PDGFD: variants seen among roughly 807,000 people sequenced by gnomAD.
PDGFD encodes platelet-derived growth factor D.
A neutral mutation model predicts 44.7 loss-of-function variants in PDGFD; 30 were observed. The observed-to-expected ratio is 0.67, with a 90% CI of 0.50 to 0.91. The LOEUF (loss-of-function observed/expected upper bound fraction) is 0.91, where lower values mean the gene tolerates loss of function less well. PDGFD is among the 40% of genes least tolerant of loss of function. The pLI is 0.00. For synonymous variants in PDGFD, 173 were observed against 168.4 expected (o/e 1.03, Z -0.21); for missense variants, 445 against 457.8 (o/e 0.97, Z 0.25).
rs190728575 is a variant in PDGFD at position 104,102,600 on chromosome 11, A to T, written c.124+61204T>A. Among the ~76,000 whole-genome samples, 48 of 152,336 alleles carry T rather than the reference A, an allele frequency of 3.2e-4. 1 individual carries two copies. In the East Asian group the frequency reaches 6.9e-3, roughly 22 times the overall value. ...TGGATATATACTCAAAGGATTATAA[A>T]TCATGCTGCTATAAAGACACATGCA... On this transcript the variant is annotated intron_variant, in intron 1 of 6. Transcript: ENST00000393158.
At chr11:104,043,022 T>C (rs533941868) in intron 1 of PDGFD, among the ~76,000 whole-genome samples, 11 of 152,258 alleles carry the variant, frequency 7.2e-5, no homozygotes, top group Middle Eastern at 6.8e-3. Flanking sequence ...GCCAATATCA[T>C]GCAGAGAGAT....
chr11:103,913,924 A>G (rs1858071099), intron 6 of PDGFD, among the ~76,000 whole-genome samples: 1 of 152,234 alleles, frequency 6.6e-6, no homozygotes, highest in South Asian at 2.1e-4. Context: ...TCCTGGACAC[A>G]TATGTAGCCT....
intron 3 of PDGFD, among the ~76,000 whole-genome samples, chr11:103,991,026 C>G (rs1014512858): frequency 6.6e-6 from 1 of 151,914 alleles, no homozygotes; most frequent in Non-Finnish European, 1.5e-5. Context: ...GTAGTCCCAG[C>G]TACTCAGGAG....
At chr11:104,036,748 A>G in intron 1 of PDGFD, 2 of 1,212,662 alleles carry the variant, frequency 1.6e-6, no homozygotes, top group African/African-American at 3.0e-5. Context: ...AGCGGCACCA[A>G]CGACGCAGGC....
chr11:103,947,582 T>C, intron 4 of PDGFD, 80 bp downstream of exon 4: 5 of 1,045,564 alleles, frequency 4.8e-6, no homozygotes, highest in African/African-American at 1.6e-5. Flanking sequence ...AGGTCCTTAA[T>C]GCAGGTGAAG....
intron 1 of PDGFD, among the ~76,000 whole-genome samples, chr11:104,123,261 T>C (rs1207691574): frequency 6.6e-6 from 1 of 152,110 alleles, no homozygotes; most frequent in Middle Eastern, 3.2e-3. Flanking sequence ...CTTAGGTCTT[T>C]ATTATTAGCC....
intron 1 of PDGFD, among the ~76,000 whole-genome samples, chr11:104,088,775 A>G (rs1319058732): frequency 6.6e-6 from 1 of 152,164 alleles, no homozygotes; most frequent in Admixed American, 6.6e-5. Flanking sequence ...AGGCTATGAG[A>G]TATCAGAACA....
chr11:104,088,815 C>G (rs1228505833), intron 1 of PDGFD, among the ~76,000 whole-genome samples: 1 of 152,044 alleles, frequency 6.6e-6, no homozygotes, highest in Non-Finnish European at 1.5e-5. Flanking sequence ...TGGGTAAGCA[C>G]TCTTAGAACT....
intron 3 of PDGFD, among the ~76,000 whole-genome samples, chr11:103,973,782 G>T (rs260821): frequency 0.32 from 48,286 of 151,978 alleles, 7,979 homozygotes; most frequent in Admixed American, 0.46. Context: ...CATAATATTA[G>T]AAATATGTTA....
chr11:103,951,423 A>T (rs889928961), intron 3 of PDGFD, among the ~76,000 whole-genome samples: 6 of 152,188 alleles, frequency 3.9e-5, no homozygotes, highest in Non-Finnish European at 8.8e-5. Flanking sequence ...CCCTAGGGTC[A>T]GAATTATCTC....
At chr11:104,110,008 A>G (rs361289) in intron 1 of PDGFD, among the ~76,000 whole-genome samples, 68,797 of 151,948 alleles carry the variant, frequency 0.45, 16,543 homozygotes, top group African/African-American at 0.62. Flanking sequence ...ACCATATTGA[A>G]TGCTTAGAAA....
intron 1 of PDGFD, among the ~76,000 whole-genome samples, chr11:104,084,564 G>A (rs1366049900): frequency 1.3e-5 from 2 of 150,596 alleles, no homozygotes; most frequent in Non-Finnish European, 3.0e-5. Context: ...CAAGCATTTT[G>A]TTCTCTAGGA....
In PDGFD at chr11:103,954,988, C is replaced by A. The variant is rs546007360; in HGVS notation, c.511-7264G>T. Among the ~76,000 whole-genome samples, 10 of 150,682 alleles carry A rather than the reference C, an allele frequency of 6.6e-5. No homozygotes were observed. In the East Asian group the frequency reaches 2.0e-3, roughly 30 times the overall value. On this transcript the variant is annotated intron_variant, in intron 3 of 6. Transcript: ENST00000393158. ...GACCATCCCGGCTAAAACGGTGAAA[C>A]CCCGTCTCTACTAAAAATACAAAAA...
At chr11:104,108,863 A>G (rs1302804436) in intron 1 of PDGFD, among the ~76,000 whole-genome samples, 2 of 152,190 alleles carry the variant, frequency 1.3e-5, no homozygotes, top group East Asian at 3.8e-4. Context: ...ATGGAATACT[A>G]TGCAGCTATA....
intron 1 of PDGFD, among the ~76,000 whole-genome samples, chr11:104,005,540 C>T (rs1859688951): frequency 6.6e-6 from 1 of 152,186 alleles, no homozygotes. Flanking sequence ...AAGTATTATA[C>T]ACAAAGTCAC....
At chr11:104,118,871 TA>T (rs1861689316) in intron 1 of PDGFD, among the ~76,000 whole-genome samples, 1 of 68,678 alleles carries the variant, frequency 1.5e-5, no homozygotes, top group Non-Finnish European at 2.6e-5. Flanking sequence ...TATTATATAT[TA>T]ATATACATAT....
chr11:104,082,355 T>C (rs1212022218), intron 1 of PDGFD, among the ~76,000 whole-genome samples: 1 of 151,934 alleles, frequency 6.6e-6, no homozygotes, highest in Non-Finnish European at 1.5e-5. Context: ...TTTTCTTCCA[T>C]TATGTGAACC....
At chr11:103,963,316 A>G (rs953079439) in intron 3 of PDGFD, among the ~76,000 whole-genome samples, 3 of 152,164 alleles carry the variant, frequency 2.0e-5, no homozygotes, top group Admixed American at 2.0e-4. Context: ...CCCTATCACT[A>G]TATGAGCTGG....
At position 103,938,898 on chromosome 11, in the gene PDGFD, T is replaced by G. The variant is rs569163837; in HGVS notation, c.772+4554A>C. Among the ~76,000 whole-genome samples, 20 of 152,364 alleles carry G rather than the reference T, an allele frequency of 1.3e-4. No individual in the cohort carries two copies. In the South Asian group the frequency reaches 4.1e-3, roughly 32 times the overall value. Reference sequence around the variant, plus strand: ...GGCATTATTTCTGAGGGCTCTGTTCTGTTCCATTGGTTGATATCTCTGTTT... The same window carrying G: ...GGCATTATTTCTGAGGGCTCTGTTCGGTTCCATTGGTTGATATCTCTGTTT... On this transcript the variant is annotated intron_variant, in intron 5 of 6. Coordinates refer to ENST00000393158, the MANE Select transcript of PDGFD (RefSeq NM_025208.5).
Sources: gnomAD v4.1 joint callset for allele counts (sites outside exome capture counted in the v4.1 genomes callset) on GRCh38, gnomAD v4.1.1 for gene constraint, MANE v1.5 for transcripts, NCBI Gene and HGNC (gene_info 2026-07-23, HGNC 2026-07-21) for gene names.